Variants in DOCK5 observed in about 807,000 individuals in gnomAD.
DOCK5 encodes dedicator of cytokinesis protein 5.
In DOCK5, 142 loss-of-function variants were observed where a neutral mutation model predicts 251.8. The ratio of observed to expected loss-of-function variants is 0.56; its 90% confidence interval spans 0.49 to 0.65. DOCK5 has a LOEUF of 0.65. Ranked by LOEUF, DOCK5 falls within the 30% of genes least tolerant of loss-of-function variation. The probability of loss-of-function intolerance (pLI) is 0.00; values close to 1 mark genes in which losing one functional copy is unlikely to be tolerated. For synonymous variants in DOCK5, 842 were observed against 835.5 expected, an observed-to-expected ratio of 1.01 and a Z score of -0.13; for missense variants, 2,111 against 2,312.3, an observed-to-expected ratio of 0.91 and a Z score of 1.79.
chr8:25,365,499 C>A (rs1472753257), intron 30 of DOCK5, among the ~76,000 whole-genome samples: 1 of 152,256 alleles, frequency 6.6e-6, no homozygotes. Flanking sequence ...TGAAAGTATA[C>A]TCCACAGAGT....
chr8:25,248,784 T>G (rs1265766062), intron 2 of DOCK5, among the ~76,000 whole-genome samples: 1 of 152,040 alleles, frequency 6.6e-6, no homozygotes, highest in Non-Finnish European at 1.5e-5. Flanking sequence ...CGGCAGGTGC[T>G]CAGCAACAAT....
chr8:25,363,816 C>A (rs1395764488), intron 29 of DOCK5, among the ~76,000 whole-genome samples: 1 of 152,240 alleles, frequency 6.6e-6, no homozygotes, highest in Non-Finnish European at 1.5e-5. Flanking sequence ...AGTGCCTTCC[C>A]CATAACCTCT....
At chr8:25,369,678 G>T in intron 34 of DOCK5, 37 bp downstream of exon 34, 1 of 1,553,228 alleles carries the variant, frequency 6.4e-7, no homozygotes. Flanking sequence ...AGTCAGTGGT[G>T]TCATTTAGTA....
At chr8:25,298,259 A>G (rs1393687163) in intron 7 of DOCK5, among the ~76,000 whole-genome samples, 1 of 152,136 alleles carries the variant, frequency 6.6e-6, no homozygotes, top group African/African-American at 2.4e-5. Flanking sequence ...ATGGCAAACC[A>G]CACCTGAAGG....
chr8:25,311,720 G>A (rs543612924), intron 13 of DOCK5, among the ~76,000 whole-genome samples: 10 of 151,640 alleles, frequency 6.6e-5, no homozygotes, highest in African/African-American at 2.4e-4. Flanking sequence ...TCAGGACTTC[G>A]AGTCCAGCCT....
Position 25,336,323 on chromosome 8 carries a change from C to T in DOCK5, c.2277C>T (p.Ala759=), listed in dbSNP as rs1805805346. 3 of 1,613,802 alleles carry T rather than the reference C, an allele frequency of 1.9e-6. No individual in the cohort carries two copies. Among genetic ancestry groups the T allele is most frequent in the African/African-American group, 1.3e-5 (1 of 74,906 alleles). ...AACTGCTTTTTGCTGCGTTGAAAGC[C>T]TTGAAGTACTTGTTTAGATTCATCA... ...KTELLFAALK[A]LKYLFRFIIQ... is the part of the protein sequence containing the mutation. Residue 759 remains alanine, a synonymous_variant, in exon 22 of 52, where the codon GCC becomes GCT. Coordinates refer to ENST00000276440, the MANE Select transcript of DOCK5 (RefSeq NM_024940.8).
intron 27 of DOCK5, 57 bp from the exon 28 acceptor site, chr8:25,358,906 T>C: frequency 6.7e-7 from 1 of 1,498,644 alleles, no homozygotes; most frequent in Non-Finnish European, 9.3e-7. Context: ...TCACATAGTG[T>C]TTTTGTCAGT....
chr8:25,362,080 T>A (rs1356511478), intron 28 of DOCK5, among the ~76,000 whole-genome samples: 1 of 152,240 alleles, frequency 6.6e-6, no homozygotes, highest in Non-Finnish European at 1.5e-5. Flanking sequence ...GAGCTCTGTA[T>A]GCTTAAGTGA....
At chr8:25,359,134 G>C in intron 28 of DOCK5, 73 bp downstream of exon 28, 1 of 1,324,616 alleles carries the variant, frequency 7.5e-7, no homozygotes, top group Non-Finnish European at 1.1e-6. Flanking sequence ...CTGAAGCTGA[G>C]CATCGTGAGT....
intron 1 of DOCK5, among the ~76,000 whole-genome samples, chr8:25,197,142 C>A (rs1448100479): frequency 6.6e-6 from 1 of 151,904 alleles, no homozygotes; most frequent in Non-Finnish European, 1.5e-5. Flanking sequence ...ACATAATAAG[C>A]CCTTTGGGAG....
At chr8:25,404,608 A>G (rs1007108398) in intron 48 of DOCK5, among the ~76,000 whole-genome samples, 69 of 152,310 alleles carry the variant, frequency 4.5e-4, no homozygotes, top group African/African-American at 1.6e-3. Flanking sequence ...TTCAACCTGT[A>G]TATTCTACCA....
At chr8:25,188,160 A>T (rs1586212046) in intron 1 of DOCK5, among the ~76,000 whole-genome samples, 1 of 152,204 alleles carries the variant, frequency 6.6e-6, no homozygotes, top group East Asian at 1.9e-4. Flanking sequence ...ATAACATCTC[A>T]TTCACCCCAA....
At position 25,375,891 on chromosome 8, in the gene DOCK5, A is replaced by C. The variant is rs559757582; in HGVS notation, c.3816+1237A>C. On this transcript the variant is annotated intron_variant, in intron 37 of 51. Transcript: ENST00000276440. ...GGCCAGCAGATCACTTGGGGTCAGG[A>C]GTTCAAGACCAGCCTGGCTAACATG... The C allele has an allele frequency of 2.9e-5, 26 of 881,702 alleles. No individual in the cohort carries two copies. The East Asian group carries it at 2.6e-3, about 90-fold the overall frequency. 54.6% of individuals were successfully genotyped at this position (881,702 alleles called of 1,614,324 possible).
intron 2 of DOCK5, among the ~76,000 whole-genome samples, chr8:25,264,815 G>A (rs947905992): frequency 6.6e-6 from 1 of 150,908 alleles, no homozygotes; most frequent in Non-Finnish European, 1.5e-5. Flanking sequence ...TGACAGAGCA[G>A]GACTGTCTCA....
intron 1 of DOCK5, among the ~76,000 whole-genome samples, chr8:25,237,649 G>C (rs984921356): frequency 2.0e-5 from 3 of 152,208 alleles, no homozygotes; most frequent in African/African-American, 7.2e-5. Context: ...GCTTAGGGAA[G>C]AATTCCAGCA....
At chr8:25,273,524 GC>G (rs1443038645) in intron 3 of DOCK5, among the ~76,000 whole-genome samples, 2 of 152,220 alleles carry the variant, frequency 1.3e-5, no homozygotes, top group Non-Finnish European at 2.9e-5. Context: ...AACTGCTTGA[GC>G]CCGGAGGGCG....
intron 34 of DOCK5, among the ~76,000 whole-genome samples, chr8:25,372,196 G>A (rs894551669): frequency 1.0e-3 from 157 of 152,282 alleles, no homozygotes; most frequent in African/African-American, 3.7e-3. Flanking sequence ...AGTCCTCACA[G>A]AGCACACACG....
In DOCK5 at chr8:25,307,406, A is replaced by G. The variant is rs146483861; in HGVS notation, c.1050-1377A>G. Among the ~76,000 whole-genome samples, 1,443 of 152,298 alleles carry G rather than the reference A, an allele frequency of 9.5e-3. 11 individuals carry two copies. The highest frequency in any genetic ancestry group is 0.014 in the Non-Finnish European group (951 of 68,032). On this transcript the variant is annotated intron_variant, in intron 11 of 51. Coordinates refer to ENST00000276440, the MANE Select transcript of DOCK5 (RefSeq NM_024940.8). ...AGTGCTGGGATTACAGGTGTGAGCC[A>G]TCATGCCTGGCCAGCTCCGTTATAA... is the stretch of plus-strand genomic sequence containing the variant.
chr8:25,367,307 G>A (rs574407060), intron 31 of DOCK5, among the ~76,000 whole-genome samples: 16 of 152,106 alleles, frequency 1.1e-4, no homozygotes, highest in Admixed American at 4.6e-4. Flanking sequence ...CATTCATAGC[G>A]CTTCACAAAG....
Sources: gnomAD v4.1 joint callset for allele counts (sites outside exome capture counted in the v4.1 genomes callset) on GRCh38, gnomAD v4.1.1 for gene constraint, MANE v1.5 for transcripts, NCBI Gene and HGNC (gene_info 2026-07-23, HGNC 2026-07-21) for gene names.